Variants in ALG9 observed in about 807,000 individuals in gnomAD.
ALG9 encodes ALG9 alpha-1,2-mannosyltransferase, also known as alpha-1,2-mannosyltransferase ALG9.
ALG9 carries 55 observed loss-of-function variants against 81.8 expected under a neutral mutation model. The ratio of observed to expected loss-of-function variants is 0.67; its 90% CI spans 0.54 to 0.84. The LOEUF (loss-of-function observed/expected upper bound fraction) is 0.84, where lower values mean the gene tolerates loss of function less well. ALG9 is among the 40% of genes least tolerant of loss of function. The probability of loss-of-function intolerance (pLI) is 0.00; values close to 1 mark genes in which losing one functional copy is unlikely to be tolerated. For synonymous variants in ALG9, 278 were observed against 274.3 expected (o/e 1.01, Z -0.13); for missense variants, 629 against 745.0 (o/e 0.84, Z 1.81).
intron 13 of ALG9, among the ~76,000 whole-genome samples, chr11:111,819,913 G>A (rs185394656): frequency 2.6e-5 from 4 of 152,338 alleles, no homozygotes; most frequent in African/African-American, 9.6e-5. Context: ...AGCCACACCA[G>A]GATGCTGGAC....
Position 111,785,749 on chromosome 11 carries a change from C to T in ALG9, c.*648G>A, listed in dbSNP as rs1555062440. ...TAAAGGAAATGAAAATTAGAGGCAT[C>T]ATTATAATAAAATTAGGTCACAGTT... On this transcript the variant is annotated 3_prime_UTR_variant, in exon 15 of 15. Transcript: ENST00000616540. The T allele has an allele frequency of 4.3e-6, 1 of 234,578 alleles. No individual in the cohort carries two copies. The highest frequency in any genetic ancestry group is 5.7e-5 in the South Asian group (1 of 17,402). The allele number at this position is 234,578 out of a possible 1,614,324, so 14.5% of individuals were successfully genotyped here.
rs563621236 is a variant in ALG9, at chr11:111,800,353, C to T, written c.1733+9290G>A. ...AAAATCAGCCAGGCATGGTGGCACG[C>T]GCCTGTAGTCCCAGCTACTCGGGAG... is the stretch of plus-strand genomic sequence containing the variant. On this transcript the variant is annotated intron_variant, in intron 14 of 14. Transcript: ENST00000616540. 8.6e-5 allele frequency among the ~76,000 whole-genome samples: 13 copies of T among 151,982 alleles called. No homozygotes were observed. In the East Asian group the frequency reaches 1.4e-3, roughly 16 times the overall value.
At chr11:111,851,821 G>T (rs561413088) in intron 8 of ALG9, among the ~76,000 whole-genome samples, 87 of 152,212 alleles carry the variant, frequency 5.7e-4, no homozygotes, top group African/African-American at 2.0e-3. Context: ...CTAGCTAAAG[G>T]GAGACATCTA....
At chr11:111,860,027 CTTA>C (rs782293514) in intron 5 of ALG9, among the ~76,000 whole-genome samples, 5 of 152,058 alleles carry the variant, frequency 3.3e-5, no homozygotes, top group Non-Finnish European at 7.4e-5. Context: ...TTTCCAGAAG[CTTA>C]TTATTAAAAG....
Position 111,871,445 on chromosome 11 carries a change from C to G in ALG9, c.38G>C (p.Ser13Thr). Residue 13 changes from serine to threonine, a missense_variant, in exon 1 of 15, where the codon AGC (serine) becomes ACC (threonine). Transcript: ENST00000616540. ...SRGARQRLKG[S>T]GASSGDTAPA... The stretch of plus-strand genomic sequence containing the variant: ...GGCCGTATCCCCACTGCTGGCCCCG[C>G]TGCCCTTCAGGCGCTGCCGAGCCCC... The G allele has an allele frequency of 2.0e-6, 3 of 1,536,680 alleles. No individual in the cohort carries two copies. Among genetic ancestry groups the G allele is most frequent in the Non-Finnish European group, 2.6e-6 (3 of 1,146,704 alleles).
rs879972133 is a variant in ALG9, at chr11:111,871,109, A to T, written c.131+243T>A. On this transcript the variant is annotated intron_variant, in intron 1 of 14. Coordinates refer to ENST00000616540, the MANE Select transcript of ALG9 (RefSeq NM_024740.2). Reference sequence around the variant, plus strand: ...GCTGTGCCCACTCTAGGCCTGGCCCAGGAGCATCACAGATCCGCACTCCAA... The same window carrying T: ...GCTGTGCCCACTCTAGGCCTGGCCCTGGAGCATCACAGATCCGCACTCCAA... 2.4e-6 allele frequency: 3 copies of T among 1,237,746 alleles called. No homozygotes were observed. The African/African-American group carries it at 4.7e-5, about 20-fold the overall frequency. 76.7% of individuals were successfully genotyped at this position (1,237,746 alleles called of 1,614,324 possible).
rs973305642 is a variant in ALG9 at position 111,841,095 on chromosome 11, A to G, written c.1019-286T>C. On this transcript the variant is annotated intron_variant, in intron 9 of 14. Coordinates refer to ENST00000616540, the MANE Select transcript of ALG9 (RefSeq NM_024740.2). Reference sequence around the variant, plus strand: ...GTTAATGGCTAATAGAACTTAATAAATTCTACGTTAGATGAAGGAAAAATA... The same window carrying G: ...GTTAATGGCTAATAGAACTTAATAAGTTCTACGTTAGATGAAGGAAAAATA... Among the ~76,000 whole-genome samples the G allele has an allele frequency of 9.9e-5, 15 of 152,212 alleles. 1 individual carries two copies. Among genetic ancestry groups the G allele is most frequent in the South Asian group, 4.1e-4 (2 of 4,834 alleles).
chr11:111,867,074 G>A (rs1168176799), intron 3 of ALG9, among the ~76,000 whole-genome samples: 5 of 152,220 alleles, frequency 3.3e-5, no homozygotes, highest in African/African-American at 7.2e-5. Context: ...CAGCCTGGGC[G>A]ACAGAGTGAG....
At chr11:111,850,551 A>T (rs1957601512) in intron 8 of ALG9, among the ~76,000 whole-genome samples, 1 of 151,462 alleles carries the variant, frequency 6.6e-6, no homozygotes, top group Non-Finnish European at 1.5e-5. Context: ...TACTAAAAAT[A>T]CAAAAATTAG....
chr11:111,844,790 T>C, intron 8 of ALG9, 67 bp from the exon 9 acceptor site: 1 of 1,545,062 alleles, frequency 6.5e-7, no homozygotes, highest in Non-Finnish European at 8.9e-7. Context: ...GTGCTTGACA[T>C]ATAATGTTCT....
At chr11:111,798,218 G>A (rs1232655138) in intron 14 of ALG9, 4 of 312,890 alleles carry the variant, frequency 1.3e-5, no homozygotes, top group African/African-American at 9.0e-5. Context: ...GAAAAAAATA[G>A]AGAAAAATAA....
At chr11:111,867,575 G>T (rs1054802772) in intron 3 of ALG9, among the ~76,000 whole-genome samples, 1 of 152,120 alleles carries the variant, frequency 6.6e-6, no homozygotes. Flanking sequence ...TGCAATGGAC[G>T]GGGTCAGCAT....
intron 14 of ALG9, among the ~76,000 whole-genome samples, chr11:111,803,157 A>C (rs1555081924): frequency 6.6e-6 from 1 of 152,202 alleles, no homozygotes; most frequent in East Asian, 1.9e-4. Flanking sequence ...ACTGATTCTA[A>C]AGTTTATATG....
At chr11:111,865,556 C>T (rs1962090479) in intron 3 of ALG9, among the ~76,000 whole-genome samples, 1 of 152,186 alleles carries the variant, frequency 6.6e-6, no homozygotes, top group Admixed American at 6.5e-5. Context: ...ATAAACTAGG[C>T]TACATCTAGC....
At chr11:111,866,165 C>T (rs190909826) in intron 3 of ALG9, among the ~76,000 whole-genome samples, 103 of 152,214 alleles carry the variant, frequency 6.8e-4, no homozygotes, top group African/African-American at 2.2e-3. Flanking sequence ...GGCATGGTGG[C>T]GGGCAACTGT....
chr11:111,802,033 A>G (rs1949199144), intron 14 of ALG9, among the ~76,000 whole-genome samples: 1 of 152,168 alleles, frequency 6.6e-6, no homozygotes, highest in East Asian at 1.9e-4. Context: ...TCCTATTACT[A>G]CTGCAGTTCT....
At position 111,840,742 on chromosome 11, in the gene ALG9, G is replaced by A. The variant is rs782188373; in HGVS notation, c.1086C>T (p.Phe362=). The A allele has an allele frequency of 1.2e-5, 19 of 1,613,944 alleles. No individual in the cohort carries two copies. The highest frequency in any genetic ancestry group is 1.5e-5 in the Non-Finnish European group (18 of 1,179,992). The part of the protein sequence containing the change: ...APMYIWFIIF[F]IQPHKEERFL... ...ATCTCTCCTCTTTGTGAGGCTGGATGAAGAAAATTATAAACCAAATATACA... is the reference window on the plus strand; with the variant it reads ...ATCTCTCCTCTTTGTGAGGCTGGATAAAGAAAATTATAAACCAAATATACA... The change falls in exon 10 of 15, where the codon TTC becomes TTT. Residue 362 remains phenylalanine, a synonymous_variant. Coordinates refer to ENST00000616540, the MANE Select transcript of ALG9 (RefSeq NM_024740.2).
At chr11:111,822,064 T>C (rs1555104360) in intron 13 of ALG9, among the ~76,000 whole-genome samples, 2 of 152,056 alleles carry the variant, frequency 1.3e-5, no homozygotes, top group African/African-American at 4.8e-5. Context: ...AAAACAAACA[T>C]TAGAAGTGGC....
chr11:111,768,389 T>C, the ALG9 span, among the ~76,000 whole-genome samples: 1 of 152,244 alleles, frequency 6.6e-6, no homozygotes, highest in Non-Finnish European at 1.5e-5. Context: ...GTGGTTTTTT[T>C]TTAGCTGTGT....
Sources: allele counts gnomAD v4.1 joint callset (sites outside exome capture counted in the v4.1 genomes callset), GRCh38; gene constraint gnomAD v4.1.1; transcripts MANE v1.5; gene names NCBI Gene and HGNC (gene_info 2026-07-23, HGNC 2026-07-21).